The following ROBO2 variants were observed in gnomAD, a reference collection of about 807,000 sequenced individuals.
ROBO2 encodes the protein roundabout homolog 2.
In ROBO2, 53 loss-of-function variants were observed where a neutral mutation model predicts 160.8. The observed-to-expected ratio is 0.33, with a 90% CI of 0.26 to 0.41. ROBO2 has a LOEUF of 0.41. Ranked by LOEUF, ROBO2 falls within the 10% of genes least tolerant of loss-of-function variation. The probability of loss-of-function intolerance (pLI) is 1.00; values close to 1 mark genes in which losing one functional copy is unlikely to be tolerated. For missense variants in ROBO2, 1,577 were observed against 1,722.4 expected, an observed-to-expected ratio of 0.92 and a Z score of 1.49; for synonymous variants, 664 against 611.7, an observed-to-expected ratio of 1.09 and a Z score of -1.26.
At chr3:77,320,429 C>T (rs1318166916) in intron 2 of ROBO2, among the ~76,000 whole-genome samples, 2 of 152,100 alleles carry the variant, frequency 1.3e-5, no homozygotes. Context: ...CACTTTGGCG[C>T]TGCTTCTGTC....
chr3:77,260,254 A>G (rs1393948220), intron 2 of ROBO2, among the ~76,000 whole-genome samples: 4 of 152,128 alleles, frequency 2.6e-5, no homozygotes, highest in African/African-American at 9.7e-5. Flanking sequence ...TTTACTGAAT[A>G]TATTATTTTG....
At position 76,472,963 on chromosome 3, in the gene ROBO2, A is replaced by T. The variant is rs560561205; in HGVS notation, c.109+535361A>T. Among the ~76,000 whole-genome samples the T allele has an allele frequency of 7.9e-5, 12 of 152,324 alleles. No homozygotes were observed. The South Asian group carries it at 2.5e-3, about 32-fold the overall frequency. The stretch of plus-strand genomic sequence containing the variant: ...AATAAAAATTTTAAAAAGGTCAAAG[A>T]ATCGAGAAGACTATCAGTGGTGTTT... On this transcript the variant is annotated intron_variant, in intron 2 of 26. Coordinates refer to the ROBO2 transcript ENST00000487694.
chr3:76,284,527 A>G (rs1372156610), intron 2 of ROBO2, among the ~76,000 whole-genome samples: 1 of 152,178 alleles, frequency 6.6e-6, no homozygotes, highest in African/African-American at 2.4e-5. Flanking sequence ...GAAAAGGATT[A>G]TCCATTCATT....
intron 2 of ROBO2, among the ~76,000 whole-genome samples, chr3:76,354,168 A>T (rs936997890): frequency 4.6e-5 from 7 of 151,996 alleles, no homozygotes; most frequent in Non-Finnish European, 8.8e-5. Context: ...ATACACAACT[A>T]TTAAAATACT....
intron 2 of ROBO2, among the ~76,000 whole-genome samples, chr3:76,127,597 A>AAAAAAAATAT (rs879328622): frequency 2.5e-5 from 3 of 118,336 alleles, no homozygotes; most frequent in African/African-American, 9.5e-5. Context: ...GGTTTGAAAA[A>AAAAAAAATAT]ATATATATAT....
At chr3:76,407,363 CT>C (rs1368348419) in intron 2 of ROBO2, among the ~76,000 whole-genome samples, 1 of 151,760 alleles carries the variant, frequency 6.6e-6, no homozygotes, top group Non-Finnish European at 1.5e-5. Context: ...TAAAATATAC[CT>C]TTTATTTGCT....
intron 17 of ROBO2, among the ~76,000 whole-genome samples, chr3:77,594,936 A>G (rs763948560): frequency 6.6e-6 from 1 of 152,186 alleles, no homozygotes; most frequent in Non-Finnish European, 1.5e-5. Flanking sequence ...GAATTTGAAA[A>G]TGTCCTATTA....
chr3:77,166,085 C>T (rs1202478207), intron 2 of ROBO2, among the ~76,000 whole-genome samples: 1 of 152,010 alleles, frequency 6.6e-6, no homozygotes, highest in Non-Finnish European at 1.5e-5. Context: ...TGGCAAAACC[C>T]ACTCTCTACT....
chr3:76,770,853 C>T (rs552867168), intron 2 of ROBO2, among the ~76,000 whole-genome samples: 2 of 151,334 alleles, frequency 1.3e-5, no homozygotes, highest in South Asian at 2.1e-4. Flanking sequence ...TGCCGGCCAT[C>T]GGTGTTGGAT....
At chr3:76,732,044 A>T (rs1023700189) in intron 2 of ROBO2, among the ~76,000 whole-genome samples, 4 of 152,106 alleles carry the variant, frequency 2.6e-5, no homozygotes, top group African/African-American at 9.7e-5. Flanking sequence ...TTCACCCGGG[A>T]ATCATGTGAT....
chr3:77,152,682 A>C (rs2077647907), intron 2 of ROBO2, among the ~76,000 whole-genome samples: 1 of 152,226 alleles, frequency 6.6e-6, no homozygotes, highest in African/African-American at 2.4e-5. Context: ...AAGAAAGAAA[A>C]TCACTGCATT....
intron 2 of ROBO2, among the ~76,000 whole-genome samples, chr3:76,164,217 C>A (rs2106941582): frequency 6.6e-6 from 1 of 152,286 alleles, no homozygotes; most frequent in South Asian, 2.1e-4. Context: ...CATCTTCAGG[C>A]TTCACTTCTA....
At chr3:77,059,314 A>G (rs1040416064) in intron 1 of ROBO2, among the ~76,000 whole-genome samples, 4 of 152,134 alleles carry the variant, frequency 2.6e-5, no homozygotes, top group Non-Finnish European at 4.4e-5. Context: ...AAGGTGGAAG[A>G]AGGCTGGGCT....
intron 1 of ROBO2, among the ~76,000 whole-genome samples, chr3:77,091,854 C>T (rs531413760): frequency 8.3e-4 from 126 of 151,930 alleles, no homozygotes; most frequent in Non-Finnish European, 1.3e-3. Context: ...GTGGTGCGTG[C>T]CTGTAGTCCC....
At chr3:76,140,112 A>G (rs138150360) in intron 2 of ROBO2, among the ~76,000 whole-genome samples, 92 of 152,166 alleles carry the variant, frequency 6.0e-4, no homozygotes, top group African/African-American at 2.1e-3. Flanking sequence ...GCAGCTTTTG[A>G]CTATATGAGC....
intron 2 of ROBO2, among the ~76,000 whole-genome samples, chr3:77,459,636 G>A (rs949434363): frequency 6.6e-6 from 1 of 152,184 alleles, no homozygotes; most frequent in African/African-American, 2.4e-5. Context: ...TGATCTTGCT[G>A]CTTCTTTAGT....
intron 16 of ROBO2, 67 bp downstream of exon 17, chr3:77,580,185 C>T (rs1355957353): frequency 2.8e-6 from 4 of 1,414,430 alleles, no homozygotes; most frequent in Non-Finnish European, 4.0e-6. Context: ...GATGATTTTG[C>T]ATCAACCTAC....
chr3:76,422,033 T>A (rs2076017727), intron 2 of ROBO2, among the ~76,000 whole-genome samples: 1 of 152,162 alleles, frequency 6.6e-6, no homozygotes, highest in African/African-American at 2.4e-5. Context: ...CTTAGTAACT[T>A]CCTTTGCCAA....
At chr3:76,915,671 C>CAAAAAAAAAAAAA (rs372827394) in intron 2 of ROBO2, among the ~76,000 whole-genome samples, 2 of 96,520 alleles carry the variant, frequency 2.1e-5, no homozygotes, top group African/African-American at 3.9e-5. Flanking sequence ...CTCTCGCTCT[C>CAAAAAAAAAAAAA]AAAAAAAAAA....
Sources: allele counts gnomAD v4.1 joint callset (sites outside exome capture counted in the v4.1 genomes callset), GRCh38; gene constraint gnomAD v4.1.1; transcripts MANE v1.5; gene names NCBI Gene and HGNC (gene_info 2026-07-23, HGNC 2026-07-21).